The following STAU2 variants were observed in gnomAD, a reference collection of about 807,000 sequenced individuals.
STAU2 encodes staufen double-stranded RNA binding protein 2, also known as double-stranded RNA-binding protein Staufen homolog 2.
Under a neutral mutation model 65.9 loss-of-function variants are expected in STAU2, and 20 were observed. That is an observed-to-expected ratio of 0.30 (90% CI 0.21 to 0.44). STAU2 has a LOEUF of 0.44. STAU2 is among the 20% of genes least tolerant of loss of function. STAU2 has a pLI of 1.00. For synonymous variants in STAU2, 232 were observed against 233.9 expected (o/e 0.99, Z 0.07); for missense variants, 558 against 683.9 (o/e 0.82, Z 2.05).
chr8:73,442,784 G>A (rs756658697), intron 13 of STAU2, among the ~76,000 whole-genome samples: 2 of 152,166 alleles, frequency 1.3e-5, no homozygotes, highest in Non-Finnish European at 2.9e-5. Context: ...CTTAAGTTGC[G>A]TGCATGACAA....
At chr8:73,616,104 C>G (rs1812817443) in intron 7 of STAU2, among the ~76,000 whole-genome samples, 1 of 152,088 alleles carries the variant, frequency 6.6e-6, no homozygotes, top group Admixed American at 6.5e-5. Flanking sequence ...CCCACCCAAC[C>G]CCCAACACCC....
chr8:73,450,623 A>G (rs1254068060), intron 13 of STAU2, among the ~76,000 whole-genome samples: 2 of 152,196 alleles, frequency 1.3e-5, no homozygotes, highest in Non-Finnish European at 2.9e-5. Context: ...TCTGATGACA[A>G]ATGTTCTTTG....
At chr8:73,705,190 A>G (rs2130624133) in intron 4 of STAU2, among the ~76,000 whole-genome samples, 1 of 152,338 alleles carries the variant, frequency 6.6e-6, no homozygotes, top group South Asian at 2.1e-4. Flanking sequence ...TCGTCACTCC[A>G]TTATACCACT....
chr8:73,483,614 G>T (rs1244314119), intron 13 of STAU2, among the ~76,000 whole-genome samples: 1 of 152,092 alleles, frequency 6.6e-6, no homozygotes, highest in Non-Finnish European at 1.5e-5. Context: ...GAACAAGAAG[G>T]ACTGTATAAA....
chr8:73,484,310 AT>A (rs1820798871), intron 13 of STAU2, among the ~76,000 whole-genome samples: 1 of 152,162 alleles, frequency 6.6e-6, no homozygotes, highest in African/African-American at 2.4e-5. Context: ...GAGGATTGGA[AT>A]CTAGTTCAAG....
At chr8:73,607,671 A>G (rs1389026412) in intron 9 of STAU2, among the ~76,000 whole-genome samples, 1 of 148,422 alleles carries the variant, frequency 6.7e-6, no homozygotes, top group Non-Finnish European at 1.5e-5. Context: ...TGGGAGGAGG[A>G]GGTTGCGGTG....
Position 73,703,106 on chromosome 8 carries a change from C to T in STAU2, c.114+5926G>A, listed in dbSNP as rs78263291. Among the ~76,000 whole-genome samples the T allele has an allele frequency of 1.7e-3, 264 of 152,216 alleles. 1 individual carries two copies. The highest frequency in any genetic ancestry group is 2.0e-3 in the Non-Finnish European group (138 of 68,002). ...ATATATGTCTGATATGGTTTGGATC[C>T]GTGTCCCCACCCAAATTTCATGTTG... On this transcript the variant is annotated intron_variant, in intron 4 of 14. Coordinates refer to ENST00000524300, the MANE Select transcript of STAU2 (RefSeq NM_001164380.2).
intron 6 of STAU2, among the ~76,000 whole-genome samples, chr8:73,659,078 G>A (rs1399880000): frequency 6.6e-6 from 1 of 152,120 alleles, no homozygotes; most frequent in African/African-American, 2.4e-5. Context: ...GAAACAGCTG[G>A]TGGATAACGT....
At chr8:73,580,543 A>G (rs1230364498) in intron 12 of STAU2, among the ~76,000 whole-genome samples, 1 of 152,210 alleles carries the variant, frequency 6.6e-6, no homozygotes, top group Non-Finnish European at 1.5e-5. Flanking sequence ...AACCATTTAG[A>G]ATAGAATTTC....
rs117193090 is a variant in STAU2, at chr8:73,445,095, G to A, written c.1531-22393C>T. On this transcript the variant is annotated intron_variant, in intron 13 of 14. Transcript: ENST00000524300. ...AAAGAGAGCCAAACTCGAACCAGACGTCCTTATCAGCCAAGAAAGAAGTCA... is the reference window on the plus strand; with the variant it reads ...AAAGAGAGCCAAACTCGAACCAGACATCCTTATCAGCCAAGAAAGAAGTCA... Among the ~76,000 whole-genome samples, 220 of 152,338 alleles carry A rather than the reference G, an allele frequency of 1.4e-3. 2 individuals carry two copies. Among genetic ancestry groups the A allele is most frequent in the Non-Finnish European group, 1.5e-3 (100 of 68,020 alleles).
chr8:73,515,430 T>A (rs775732394), intron 13 of STAU2, among the ~76,000 whole-genome samples: 8 of 152,216 alleles, frequency 5.3e-5, no homozygotes, highest in Non-Finnish European at 1.0e-4. Context: ...TAAAGTGGAA[T>A]TCTGTCAACC....
intron 3 of STAU2, among the ~76,000 whole-genome samples, chr8:73,716,449 T>C (rs1017829725): frequency 4.6e-5 from 7 of 152,202 alleles, no homozygotes; most frequent in African/African-American, 1.7e-4. Context: ...AGAAAAATAA[T>C]GCTCAAGGAT....
chr8:73,716,039 T>G (rs1821225282), intron 3 of STAU2, among the ~76,000 whole-genome samples: 1 of 149,108 alleles, frequency 6.7e-6, no homozygotes, highest in Admixed American at 6.7e-5. Flanking sequence ...CTCAGCCTCC[T>G]GAGTAGCTGG....
chr8:73,605,882 C>T (rs576776356), intron 9 of STAU2, among the ~76,000 whole-genome samples: 1,541 of 22,140 alleles, frequency 0.07, 6 homozygotes, highest in African/African-American at 0.094. Flanking sequence ...CACACATACA[C>T]ACACACACAC....
intron 6 of STAU2, among the ~76,000 whole-genome samples, chr8:73,667,020 A>C (rs1317744683): frequency 1.3e-5 from 2 of 151,832 alleles, no homozygotes; most frequent in African/African-American, 4.8e-5. Context: ...TGCAAATTAA[A>C]CTCTTCATCT....
At chr8:73,663,613 T>C (rs552487152) in intron 6 of STAU2, among the ~76,000 whole-genome samples, 1 of 149,286 alleles carries the variant, frequency 6.7e-6, no homozygotes, top group South Asian at 2.2e-4. Context: ...ATGTCAGCAC[T>C]ACTTTATTAA....
rs186223874 is a variant in STAU2, at chr8:73,455,035, G to A, written c.1531-32333C>T. ...ATAGGATTCAGCTTCAACTGGAGAT[G>A]GAAACATTTAGCCAGTTCATCCTAC... is the stretch of plus-strand genomic sequence containing the variant. On this transcript the variant is annotated intron_variant, in intron 13 of 14. Transcript: ENST00000524300. Among the ~76,000 whole-genome samples, 5 of 152,242 alleles carry A rather than the reference G, an allele frequency of 3.3e-5. No homozygotes were observed. In the East Asian group the frequency reaches 9.7e-4, roughly 29 times the overall value.
intron 10 of STAU2, among the ~76,000 whole-genome samples, chr8:73,595,769 A>C (rs995476838): frequency 1.3e-5 from 2 of 152,136 alleles, no homozygotes; most frequent in African/African-American, 2.4e-5. Flanking sequence ...ATTTATATTA[A>C]ATAGTTCCTG....
chr8:73,694,051 A>G (rs1278811938), intron 4 of STAU2, among the ~76,000 whole-genome samples: 1 of 152,268 alleles, frequency 6.6e-6, no homozygotes, highest in Non-Finnish European at 1.5e-5. Context: ...TAGAATGGCT[A>G]TATTAATATC....
Sources: allele counts gnomAD v4.1 joint callset (sites outside exome capture counted in the v4.1 genomes callset), GRCh38; gene constraint gnomAD v4.1.1; transcripts MANE v1.5; gene names NCBI Gene and HGNC (gene_info 2026-07-23, HGNC 2026-07-21).